Variants in C4orf51 observed in about 807,000 individuals in gnomAD.
C4orf51 encodes chromosome 4 open reading frame 51, also known as uncharacterized protein C4orf51.
A neutral mutation model predicts 25.2 loss-of-function variants in C4orf51; 25 were observed. The ratio of observed to expected loss-of-function variants is 0.99; its 90% CI spans 0.72 to 1.39. The LOEUF (loss-of-function observed/expected upper bound fraction) is 1.39, where lower values mean the gene tolerates loss of function less well. Ranked by LOEUF, C4orf51 falls within the 40% of genes most tolerant of loss-of-function variation. The pLI, the probability that C4orf51 is intolerant of heterozygous loss-of-function variation, is 0.00. For missense variants in C4orf51, 252 were observed against 239.6 expected, an observed-to-expected ratio of 1.05 and a Z score of -0.34; for synonymous variants, 100 against 84.5, an observed-to-expected ratio of 1.18 and a Z score of -1.01.
At chr4:145,706,143 A>AT (rs111227154) in intron 2 of C4orf51, among the ~76,000 whole-genome samples, 4 of 152,006 alleles carry the variant, frequency 2.6e-5, no homozygotes, top group East Asian at 1.9e-4. Flanking sequence ...TTTGAAACAG[A>AT]TTTTTTTTCT....
chr4:145,693,722 C>T (rs1444175166), intron 1 of C4orf51, among the ~76,000 whole-genome samples: 1 of 86,674 alleles, frequency 1.2e-5, no homozygotes, highest in Non-Finnish European at 2.3e-5. Context: ...GCTGACCCCC[C>T]CACCTCCCTC....
downstream of C4orf51, among the ~76,000 whole-genome samples, chr4:145,732,982 G>C (rs1397652885): frequency 1.3e-5 from 2 of 152,168 alleles, no homozygotes; most frequent in African/African-American, 2.4e-5. Context: ...CCACCGCCAG[G>C]TTTTCCTCCG....
chr4:145,779,213 T>C, the C4orf51 span, among the ~76,000 whole-genome samples: 1 of 152,256 alleles, frequency 6.6e-6, no homozygotes, highest in South Asian at 2.1e-4. Flanking sequence ...AAAAAAGCCT[T>C]TCCAAGGTCT....
rs74332037 is a variant in C4orf51 at position 145,729,714 on chromosome 4, C to T, written c.428-178C>T. ...TACAAAAGGTAGGATGCAGAAATAACAGGAGGGAGAAATGCAAGAGGCATT... is the reference window on the plus strand; with the variant it reads ...TACAAAAGGTAGGATGCAGAAATAATAGGAGGGAGAAATGCAAGAGGCATT... On this transcript the variant is annotated intron_variant, in intron 4 of 5. Transcript: ENST00000438731. Among the ~76,000 whole-genome samples the T allele has an allele frequency of 1.8e-3, 278 of 152,276 alleles. 8 individuals carry two copies. The East Asian group carries it at 0.047, about 26-fold the overall frequency.
At chr4:145,772,931 C>T (rs1736504584), downstream of C4orf51, among the ~76,000 whole-genome samples, 1 of 152,182 alleles carries the variant, frequency 6.6e-6, no homozygotes, top group African/African-American at 2.4e-5. Flanking sequence ...GAAGTTTCCA[C>T]TCACGACAAT....
chr4:145,757,083 G>C (rs904151924), downstream of C4orf51, among the ~76,000 whole-genome samples: 1 of 152,130 alleles, frequency 6.6e-6, no homozygotes, highest in African/African-American at 2.4e-5. Context: ...TGAACTTAGC[G>C]TGTTTTTCAT....
chr4:145,753,392 T>C (rs1733787305), intron 1 of C4orf51, among the ~76,000 whole-genome samples: 1 of 152,202 alleles, frequency 6.6e-6, no homozygotes, highest in Admixed American at 6.5e-5. Context: ...TCTTTATATA[T>C]ACATTCTATG....
intron 1 of C4orf51, among the ~76,000 whole-genome samples, chr4:145,741,623 C>A (rs771711216): frequency 2.6e-5 from 4 of 152,140 alleles, no homozygotes; most frequent in Non-Finnish European, 5.9e-5. Context: ...GGTTAGATTT[C>A]CCTGAGAGAG....
intron 1 of C4orf51, among the ~76,000 whole-genome samples, chr4:145,750,862 A>G (rs748619989): frequency 6.6e-5 from 10 of 151,806 alleles, no homozygotes; most frequent in Non-Finnish European, 1.5e-4. Flanking sequence ...TCCTCTGACT[A>G]TGTATTTTCA....
chr4:145,757,044 T>C (rs1273747368), downstream of C4orf51, among the ~76,000 whole-genome samples: 4 of 152,244 alleles, frequency 2.6e-5, no homozygotes, highest in Non-Finnish European at 5.9e-5. Context: ...CTCAAATAGA[T>C]AGAACAAAAT....
chr4:145,763,122 G>A lies in C4orf51; in HGVS notation n.167-7866G>A. The A allele has an allele frequency of 6.5e-7, 1 of 1,536,078 alleles. No homozygotes were observed. Among genetic ancestry groups the A allele is most frequent in the Non-Finnish European group, 8.7e-7 (1 of 1,146,860 alleles). ...AGTCTGAAACTCACCACTGTCCTGAGCTACGGCAAAAGAAAAATAATAGTA... is the reference window on the plus strand; with the variant it reads ...AGTCTGAAACTCACCACTGTCCTGAACTACGGCAAAAGAAAAATAATAGTA... On this transcript the variant is annotated intron_variant and non_coding_transcript_variant, in intron 1 of 1. Coordinates refer to the C4orf51 transcript ENST00000510096. This position sits in a 1 kb window ranked among gnomAD's most constrained non-coding sequence, Gnocchi z 4.6.
chr4:145,764,684 C>G (rs776574183), intron 1 of C4orf51: 54 of 363,920 alleles, frequency 1.5e-4, no homozygotes, highest in Non-Finnish European at 3.1e-5. Context: ...AAAATCAAGT[C>G]TGAACAAAAC....
the C4orf51 span, among the ~76,000 whole-genome samples, chr4:145,788,222 G>A: frequency 7.5e-4 from 114 of 152,180 alleles, no homozygotes; most frequent in South Asian, 3.1e-3. Context: ...GATTTGTATC[G>A]TAAAGAACTG....
intron 1 of C4orf51, among the ~76,000 whole-genome samples, chr4:145,769,659 A>G (rs1393916468): frequency 6.6e-6 from 1 of 152,134 alleles, no homozygotes; most frequent in Non-Finnish European, 1.5e-5. Flanking sequence ...ATGTCTGTGG[A>G]AAGAGCCAGG....
At chr4:145,700,879 T>C (rs527489762) in intron 2 of C4orf51, among the ~76,000 whole-genome samples, 2 of 152,252 alleles carry the variant, frequency 1.3e-5, no homozygotes, top group South Asian at 4.2e-4. Context: ...TCACACCTGG[T>C]CCAGCTTACG....
chr4:145,762,960 C>A lies in C4orf51; in HGVS notation n.167-8028C>A. On this transcript the variant is annotated intron_variant and non_coding_transcript_variant, in intron 1 of 1. Transcript: ENST00000510096. The surrounding 1 kb of genome is among the most constrained non-coding windows in gnomAD (Gnocchi z 4.9). ...CCAACACAACCAAGTGCACCGTGCA[C>A]GGCCTCCTCAGCGCCAAGCTCGCCG... The A allele has an allele frequency of 1.2e-6, 1 of 840,292 alleles. No homozygotes were observed. The highest frequency in any genetic ancestry group is 1.8e-6 in the Non-Finnish European group (1 of 543,740). 52.1% of individuals were successfully genotyped at this position (840,292 alleles called of 1,614,324 possible).
chr4:145,751,008 T>C (rs982922575), intron 1 of C4orf51, among the ~76,000 whole-genome samples: 4 of 152,126 alleles, frequency 2.6e-5, no homozygotes, highest in Admixed American at 2.6e-4. Context: ...ATTTCCATCT[T>C]TGCTAAATTT....
chr4:145,695,475 A>G (rs1213707125), intron 1 of C4orf51, among the ~76,000 whole-genome samples: 2 of 152,138 alleles, frequency 1.3e-5, no homozygotes, highest in Non-Finnish European at 2.9e-5. Flanking sequence ...GATGCCAGAT[A>G]TTAGACCTTT....
intron 1 of C4orf51, chr4:145,764,850 GGTTC>G: frequency 8.8e-7 from 1 of 1,131,612 alleles, no homozygotes; most frequent in Non-Finnish European, 1.3e-6. Context: ...AGGCAGCAGG[GGTTC>G]CTGACTAACT....
Sources: allele counts gnomAD v4.1 joint callset (sites outside exome capture counted in the v4.1 genomes callset), GRCh38; gene constraint gnomAD v4.1.1; non-coding constraint Gnocchi (gnomAD v3.1); transcripts MANE v1.5; gene names NCBI Gene and HGNC (gene_info 2026-07-23, HGNC 2026-07-21).